Variants in WWOX observed in about 807,000 individuals in gnomAD.
The protein encoded by WWOX is WW domain containing oxidoreductase.
WWOX carries 69 observed loss-of-function variants against 46.2 expected under a neutral mutation model. The ratio of observed to expected loss-of-function variants is 1.49; its 90% CI spans 1.23 to 1.82. The LOEUF (loss-of-function observed/expected upper bound fraction) is 1.82, where lower values mean the gene tolerates loss of function less well. Ranked by LOEUF, WWOX falls within the 40% of genes most tolerant of loss-of-function variation. The pLI is 0.00. For missense variants in WWOX, 919 were observed against 542.6 expected, an observed-to-expected ratio of 1.69 and a Z score of -6.89; for synonymous variants, 359 against 202.6, an observed-to-expected ratio of 1.77 and a Z score of -6.56.
chr16:78,805,417 C>A (rs927823480), intron 8 of WWOX, among the ~76,000 whole-genome samples: 1 of 128,906 alleles, frequency 7.8e-6, no homozygotes, highest in Non-Finnish European at 1.7e-5. Context: ...CCCGCCACCT[C>A]GCCTGGCTAA....
intron 5 of WWOX, among the ~76,000 whole-genome samples, chr16:78,304,185 A>G (rs1375461862): frequency 1.3e-5 from 2 of 152,126 alleles, no homozygotes; most frequent in Non-Finnish European, 2.9e-5. Flanking sequence ...TATCTGAGGG[A>G]TTCGTTAATA....
chr16:79,099,067 T>A (rs2049136366), intron 8 of WWOX, among the ~76,000 whole-genome samples: 1 of 151,908 alleles, frequency 6.6e-6, no homozygotes, highest in Non-Finnish European at 1.5e-5. Flanking sequence ...TGTGCAGAGA[T>A]CACATGGGCA....
intron 5 of WWOX, among the ~76,000 whole-genome samples, chr16:78,263,178 T>G (rs979220459): frequency 2.3e-4 from 35 of 152,214 alleles, no homozygotes; most frequent in Non-Finnish European, 5.1e-4. Flanking sequence ...AGATGGAGGT[T>G]GCAGTGAGCC....
intron 8 of WWOX, among the ~76,000 whole-genome samples, chr16:78,643,731 A>G (rs188733402): frequency 6.6e-6 from 1 of 152,128 alleles, no homozygotes; most frequent in East Asian, 1.9e-4. Flanking sequence ...CTGATTTAAA[A>G]GGAAGCCCTA....
At chr16:78,521,259 G>T (rs778070337) in intron 8 of WWOX, among the ~76,000 whole-genome samples, 4 of 152,102 alleles carry the variant, frequency 2.6e-5, no homozygotes, top group Non-Finnish European at 5.9e-5. Flanking sequence ...ATCTTGCTGT[G>T]TTGCCCAGGC....
At chr16:78,987,745 A>C (rs114452575) in intron 8 of WWOX, among the ~76,000 whole-genome samples, 1 of 152,124 alleles carries the variant, frequency 6.6e-6, no homozygotes, top group African/African-American at 2.4e-5. Context: ...TGTCGGCCCA[A>C]ACTCTCTGTG....
intron 8 of WWOX, among the ~76,000 whole-genome samples, chr16:79,066,715 G>A (rs2048448567): frequency 6.6e-6 from 1 of 152,216 alleles, no homozygotes; most frequent in Non-Finnish European, 1.5e-5. Flanking sequence ...ATGAGAGCCT[G>A]CCGCCTCAAG....
At chr16:79,030,274 A>G (rs1382003234) in intron 8 of WWOX, among the ~76,000 whole-genome samples, 2 of 152,236 alleles carry the variant, frequency 1.3e-5, no homozygotes, top group Admixed American at 6.5e-5. Context: ...TTTAATAATT[A>G]CTTTATGACT....
chr16:78,715,601 A>C (rs1016457796), intron 8 of WWOX, among the ~76,000 whole-genome samples: 1 of 151,956 alleles, frequency 6.6e-6, no homozygotes, highest in Non-Finnish European at 1.5e-5. Context: ...CTCCTGCCTC[A>C]GCCGAGTAGC....
chr16:79,017,520 G>A (rs1484144238), intron 8 of WWOX: 1 of 146,458 alleles, frequency 6.8e-6, no homozygotes, highest in Non-Finnish European at 1.5e-5. Flanking sequence ...TTTTATAAAG[G>A]ACCAGAGAGT....
intron 8 of WWOX, among the ~76,000 whole-genome samples, chr16:78,642,737 G>C (rs1461716349): frequency 1.3e-5 from 2 of 152,052 alleles, no homozygotes; most frequent in Admixed American, 1.3e-4. Flanking sequence ...GCTGTGTGTG[G>C]GTGCACATCA....
chr16:78,168,444 T>C (rs927581044), intron 5 of WWOX: 5 of 152,000 alleles, frequency 3.3e-5, no homozygotes, highest in Non-Finnish European at 5.9e-5. Context: ...TTTCTTTTTT[T>C]TTTTTTTGCA....
rs540973175 is a variant in WWOX at position 78,655,682 on chromosome 16, G to A, written c.1056+222930G>A. ...TATATCAACAGAGATGCAAGGGGCTGGGAGGGAGGGTGATTAATTATTTAC... is the reference window on the plus strand; with the variant it reads ...TATATCAACAGAGATGCAAGGGGCTAGGAGGGAGGGTGATTAATTATTTAC... On this transcript the variant is annotated intron_variant, in intron 8 of 8. Coordinates refer to ENST00000566780, the MANE Select transcript of WWOX (RefSeq NM_016373.4). Among the ~76,000 whole-genome samples, 8 of 152,256 alleles carry A rather than the reference G, an allele frequency of 5.3e-5. No homozygotes were observed. In the South Asian group the frequency reaches 1.5e-3, roughly 28 times the overall value.
chr16:78,627,346 C>A (rs918807909), intron 8 of WWOX, among the ~76,000 whole-genome samples: 2 of 152,134 alleles, frequency 1.3e-5, no homozygotes, highest in Non-Finnish European at 2.9e-5. Flanking sequence ...ATGGAGAAGA[C>A]CTGAATCCTA....
chr16:79,126,180 G>C (rs2049750169), intron 8 of WWOX, among the ~76,000 whole-genome samples: 1 of 152,032 alleles, frequency 6.6e-6, no homozygotes. Flanking sequence ...GGGGAAAGAG[G>C]ATGTGAGCTG....
intron 8 of WWOX, among the ~76,000 whole-genome samples, chr16:78,711,139 C>G (rs1019611590): frequency 6.6e-6 from 1 of 152,140 alleles, no homozygotes; most frequent in African/African-American, 2.4e-5. Context: ...TAGGTGGGAC[C>G]TTCTTTGTGT....
intron 8 of WWOX, among the ~76,000 whole-genome samples, chr16:78,627,049 T>C (rs1037411541): frequency 3.9e-5 from 6 of 152,236 alleles, no homozygotes; most frequent in Non-Finnish European, 2.9e-5. Context: ...TCCCCCCACC[T>C]CATACATACA....
At chr16:78,404,909 C>T (rs1038280326) in intron 6 of WWOX, among the ~76,000 whole-genome samples, 1 of 152,162 alleles carries the variant, frequency 6.6e-6, no homozygotes, top group African/African-American at 2.4e-5. Flanking sequence ...AGGAATGAGA[C>T]CTGCATGTCA....
At chr16:79,125,588 C>A (rs571173900) in intron 8 of WWOX, among the ~76,000 whole-genome samples, 2 of 152,104 alleles carry the variant, frequency 1.3e-5, no homozygotes, top group South Asian at 4.2e-4. Context: ...GCAAATGTAG[C>A]TGGACCCTTG....
Sources: allele counts gnomAD v4.1 joint callset (sites outside exome capture counted in the v4.1 genomes callset), GRCh38; gene constraint gnomAD v4.1.1; transcripts MANE v1.5; gene names NCBI Gene and HGNC (gene_info 2026-07-23, HGNC 2026-07-21).